The following AFAP1 variants were observed in gnomAD, a reference collection of about 807,000 sequenced individuals.
AFAP1 encodes the protein actin filament associated protein 1.
A neutral mutation model predicts 93.9 loss-of-function variants in AFAP1; 75 were observed. That is an observed-to-expected ratio of 0.80 (90% CI 0.66 to 0.97). The LOEUF is 0.97. Among genes scored for constraint, AFAP1 ranks in the 50% least tolerant of loss-of-function variants. AFAP1 has a pLI of 0.00. For missense variants in AFAP1, 1,201 were observed against 1,050.8 expected (o/e 1.14, Z -1.98); for synonymous variants, 517 against 430.7 (o/e 1.20, Z -2.48).
chr4:7,859,886 T>C (rs918649112), intron 3 of AFAP1, among the ~76,000 whole-genome samples: 6 of 152,104 alleles, frequency 3.9e-5, no homozygotes, highest in Admixed American at 2.0e-4. Context: ...GAATTCTCTT[T>C]CCAATAATAA....
intron 4 of AFAP1, among the ~76,000 whole-genome samples, chr4:7,849,477 C>T (rs868007364): frequency 7.9e-5 from 12 of 152,316 alleles, no homozygotes; most frequent in Middle Eastern, 3.4e-3. Context: ...AGATGCAAAA[C>T]AGACAAAAGC....
intron 15 of AFAP1, 24 bp downstream of exon 15, chr4:7,774,715 G>C (rs761823989): frequency 2.5e-6 from 4 of 1,611,360 alleles, no homozygotes; most frequent in Non-Finnish European, 2.5e-6. Context: ...ATGCACCCTG[G>C]GCAGTCACCC....
intron 4 of AFAP1, among the ~76,000 whole-genome samples, chr4:7,848,479 G>C (rs938072922): frequency 3.3e-5 from 5 of 152,094 alleles, no homozygotes; most frequent in African/African-American, 1.2e-4. Context: ...CAGTGGTGCT[G>C]GTATAAGTCC....
At chr4:7,911,731 C>G (rs114018092) in intron 1 of AFAP1, among the ~76,000 whole-genome samples, 15 of 152,296 alleles carry the variant, frequency 9.8e-5, no homozygotes, top group African/African-American at 3.6e-4. Context: ...CTATTCCACA[C>G]GGGTCCCTCC....
rs777362219 is a variant in AFAP1 at position 7,843,150 on chromosome 4, T to C, written c.535A>G (p.Thr179Ala). 1.2e-6 allele frequency: 2 copies of C among 1,613,994 alleles called. No individual in the cohort carries two copies. The highest frequency in any genetic ancestry group is 2.2e-5 in the East Asian group (1 of 44,876). ...WTKLLCVIKD[T>A]KLLCYKSSKD... ...TCCAAATGTCTTACCAGCAGTTTGG[T>C]GTCTTTGATGACGCAGAGCAACTTG... Residue 179 changes from threonine (T) to alanine (A), a missense_variant, in exon 5 of 18, where the codon ACC becomes GCC. By Grantham distance (58) the Thr-to-Ala change is moderately conservative. Transcript: ENST00000420658.
At chr4:7,830,473 T>A (rs549797668) in intron 6 of AFAP1, among the ~76,000 whole-genome samples, 1 of 152,370 alleles carries the variant, frequency 6.6e-6, no homozygotes, top group East Asian at 1.9e-4. Flanking sequence ...CAGAAGCAGA[T>A]AATTCTGAGT....
At chr4:7,783,929 G>A (rs934182467) in intron 12 of AFAP1, among the ~76,000 whole-genome samples, 1 of 152,212 alleles carries the variant, frequency 6.6e-6, no homozygotes, top group Non-Finnish European at 1.5e-5. Flanking sequence ...ATGCAGATGA[G>A]TGTGGTAACT....
intron 11 of AFAP1, among the ~76,000 whole-genome samples, chr4:7,787,292 G>A (rs573748288): frequency 5.3e-5 from 8 of 152,290 alleles, no homozygotes; most frequent in Middle Eastern, 6.8e-3. Context: ...TGCTTTGCCC[G>A]GCGCACCTCT....
chr4:7,898,125 A>C (rs968822451), intron 1 of AFAP1, among the ~76,000 whole-genome samples: 1 of 152,080 alleles, frequency 6.6e-6, no homozygotes. Flanking sequence ...AAAGCCTCCC[A>C]ATCACCGGGG....
chr4:7,847,793 C>G (rs1348869961), intron 4 of AFAP1, among the ~76,000 whole-genome samples: 147 of 102,074 alleles, frequency 1.4e-3, no homozygotes, highest in Admixed American at 2.7e-3. Flanking sequence ...CAGGGGTACT[C>G]GGGGTGGGGC....
intron 14 of AFAP1, 68 bp from the exon 15 acceptor site, chr4:7,774,971 T>A: frequency 6.4e-7 from 1 of 1,553,636 alleles, no homozygotes; most frequent in Non-Finnish European, 8.7e-7. Context: ...GGACGATCCC[T>A]TCTCCACAAA....
intron 14 of AFAP1, chr4:7,775,138 C>A: frequency 9.0e-6 from 4 of 442,186 alleles, no homozygotes; most frequent in Admixed American, 4.0e-5. Context: ...GACCCCGTGT[C>A]AAAAAAAAAT....
intron 17 of AFAP1, among the ~76,000 whole-genome samples, chr4:7,765,954 G>T (rs1012304507): frequency 6.6e-6 from 1 of 152,180 alleles, no homozygotes. Context: ...GTGACCCTGC[G>T]CCAGGATGCA....
chr4:7,906,483 T>G (rs999790443), intron 1 of AFAP1, among the ~76,000 whole-genome samples: 11 of 152,222 alleles, frequency 7.2e-5, no homozygotes, highest in African/African-American at 2.7e-4. Context: ...AGAAAAATAG[T>G]GAGTCCAGCC....
intron 12 of AFAP1, among the ~76,000 whole-genome samples, chr4:7,782,626 C>T (rs1415197655): frequency 6.6e-6 from 1 of 152,186 alleles, no homozygotes; most frequent in African/African-American, 2.4e-5. Flanking sequence ...AGGGCCTTTT[C>T]AGGGGTAAAG....
At chr4:7,858,202 G>T (rs1436275118) in intron 3 of AFAP1, among the ~76,000 whole-genome samples, 1 of 152,292 alleles carries the variant, frequency 6.6e-6, no homozygotes, top group Non-Finnish European at 1.5e-5. Context: ...TACATAAAAG[G>T]TGAGTGTTTG....
intron 1 of AFAP1, among the ~76,000 whole-genome samples, chr4:7,917,753 T>G (rs116820171): frequency 6.6e-6 from 1 of 152,104 alleles, no homozygotes; most frequent in African/African-American, 2.4e-5. Context: ...ACCAAGGAGT[T>G]TGGAACCACC....
At chr4:7,777,093 C>T (rs935159374) in intron 14 of AFAP1, 19 of 152,212 alleles carry the variant, frequency 1.2e-4, no homozygotes, top group African/African-American at 4.3e-4. Context: ...GACAGAGAAA[C>T]ACCATGGCGA....
intron 16 of AFAP1, 127 bp from the exon 17 acceptor site, chr4:7,769,135 G>A: frequency 1.4e-5 from 17 of 1,252,684 alleles, no homozygotes; most frequent in Non-Finnish European, 1.8e-5. Flanking sequence ...AGCAGTAGCA[G>A]CAAGGACTGC....
Sources: gnomAD v4.1 joint callset for allele counts (sites outside exome capture counted in the v4.1 genomes callset) on GRCh38, gnomAD v4.1.1 for gene constraint, MANE v1.5 for transcripts, NCBI Gene and HGNC (gene_info 2026-07-23, HGNC 2026-07-21) for gene names.